ERCC6L2: variants seen among roughly 807,000 people sequenced by gnomAD.
The protein encoded by ERCC6L2 is DNA excision repair protein ERCC-6-like 2.
Under a neutral mutation model 132.0 loss-of-function variants are expected in ERCC6L2, and 77 were observed. The observed-to-expected ratio is 0.58, with a 90% CI of 0.49 to 0.71. ERCC6L2 has a LOEUF of 0.71. Ranked by LOEUF, ERCC6L2 falls within the 30% of genes least tolerant of loss-of-function variation. The pLI is 0.00. For synonymous variants in ERCC6L2, 583 were observed against 632.4 expected (o/e 0.92, Z 1.17); for missense variants, 1,542 against 1,837.6 (o/e 0.84, Z 2.94).
chr9:95,905,459 C>T (rs916348146), intron 3 of ERCC6L2, among the ~76,000 whole-genome samples: 2 of 152,160 alleles, frequency 1.3e-5, no homozygotes, highest in African/African-American at 4.8e-5. Context: ...TGATGAATGG[C>T]CTCTCAAGTG....
At chr9:95,908,189 T>C (rs1829172639) in intron 4 of ERCC6L2, among the ~76,000 whole-genome samples, 1 of 152,132 alleles carries the variant, frequency 6.6e-6, no homozygotes, top group Non-Finnish European at 1.5e-5. Context: ...ACAATTTAAA[T>C]GTTCAGGTCT....
Position 95,875,730 on chromosome 9 carries a change from T to C in ERCC6L2, c.-309T>C, listed in dbSNP as rs1023839479. On this transcript the variant is annotated 5_prime_UTR_variant, in exon 1 of 19. Transcript: ENST00000653738. ...TTTGGGGGTCGCCTTGCCGGCCTCC[T>C]GTCCTCCTCCGGCGGCGGCGGAGCC... 8.7e-6 allele frequency: 4 copies of C among 457,752 alleles called. No homozygotes were observed. The Admixed American group carries it at 1.5e-4, about 17-fold the overall frequency. 28.4% of individuals were successfully genotyped at this position (457,752 alleles called of 1,614,324 possible). A position where few individuals can be genotyped will look rare whatever the true frequency, so the allele number is the denominator to read the frequency against.
chr9:95,949,399 G>A (rs548950601), intron 12 of ERCC6L2, among the ~76,000 whole-genome samples: 4 of 152,126 alleles, frequency 2.6e-5, no homozygotes, highest in Non-Finnish European at 5.9e-5. Context: ...CCACACTGTG[G>A]CACATTATAA....
At chr9:95,923,449 A>T in intron 9 of ERCC6L2, 70 bp downstream of exon 9, 1 of 1,552,206 alleles carries the variant, frequency 6.4e-7, no homozygotes, top group Non-Finnish European at 8.8e-7. Flanking sequence ...TATGACAGAG[A>T]CACCAACTAA....
intron 11 of ERCC6L2, chr9:95,929,094 T>TA (rs1335113714): frequency 2.2e-5 from 7 of 311,428 alleles, no homozygotes; most frequent in Non-Finnish European, 4.1e-5. Context: ...AAGGTAACAA[T>TA]AAAAAAATTG....
At chr9:95,934,698 G>A (rs1189957023) in intron 11 of ERCC6L2, among the ~76,000 whole-genome samples, 1 of 152,096 alleles carries the variant, frequency 6.6e-6, no homozygotes, top group Non-Finnish European at 1.5e-5. Flanking sequence ...GAAATACAAT[G>A]CTTTATTCAT....
At chr9:95,889,478 T>C (rs538068213) in intron 2 of ERCC6L2, among the ~76,000 whole-genome samples, 1 of 152,256 alleles carries the variant, frequency 6.6e-6, no homozygotes, top group African/African-American at 2.4e-5. Flanking sequence ...TGTGTGTGTG[T>C]GTGTGCATGT....
intron 2 of ERCC6L2, among the ~76,000 whole-genome samples, chr9:95,886,370 A>G (rs1827868892): frequency 1.3e-5 from 2 of 151,770 alleles, no homozygotes; most frequent in Admixed American, 1.3e-4. Flanking sequence ...AAAAAAAAAT[A>G]CATTTAGAAA....
At chr9:96,027,029 C>A (rs1834384520) in intron 19 of ERCC6L2, among the ~76,000 whole-genome samples, 1 of 149,392 alleles carries the variant, frequency 6.7e-6, no homozygotes, top group Non-Finnish European at 1.5e-5. Context: ...ACATACCCCA[C>A]ACACATACCC....
chr9:95,908,276 C>CGAGGCTGATTGG (rs1364227214), intron 4 of ERCC6L2, among the ~76,000 whole-genome samples: 1 of 151,950 alleles, frequency 6.6e-6, no homozygotes, highest in Non-Finnish European at 1.5e-5. Flanking sequence ...TGATTAAAAC[C>CGAGGCTGATTGG]GAGGCTGATT....
At chr9:95,981,791 C>T (rs756046546) in intron 17 of ERCC6L2, among the ~76,000 whole-genome samples, 7 of 152,138 alleles carry the variant, frequency 4.6e-5, no homozygotes, top group Non-Finnish European at 1.5e-5. Context: ...GTCAACTGCA[C>T]GTTTTCAACT....
At chr9:95,922,805 C>T (rs1829933207) in intron 8 of ERCC6L2, among the ~76,000 whole-genome samples, 1 of 152,090 alleles carries the variant, frequency 6.6e-6, no homozygotes. Context: ...GGGCTGTTTA[C>T]CAAACTGGCA....
chr9:95,954,843 G>T (rs1435400562), intron 12 of ERCC6L2: 6 of 471,152 alleles, frequency 1.3e-5, no homozygotes, highest in Admixed American at 1.2e-4. Context: ...TGTCACAGGA[G>T]CCTCCATTTC....
rs1170402986 is a variant in ERCC6L2, at chr9:96,001,214, CAAAGAGCG to C, written c.3493-3300_3493-3293del. ...GAGTGAGCAGTAGCAAGATTTATTG[CAAAGAGCG>C]AAAGAACAAATCTTCCACAGTGTGG... On this transcript the variant is annotated intron_variant, in intron 17 of 18. Transcript: ENST00000653738. 4.6e-5 allele frequency among the ~76,000 whole-genome samples: 7 copies of C among 152,166 alleles called. No homozygotes were observed. In the East Asian group the frequency reaches 1.2e-3, roughly 25 times the overall value.
intron 19 of ERCC6L2, among the ~76,000 whole-genome samples, chr9:96,027,481 C>T (rs969147762): frequency 1.3e-5 from 2 of 152,182 alleles, no homozygotes; most frequent in African/African-American, 4.8e-5. Context: ...GTGCCCGGCT[C>T]AGTCACCCGC....
chr9:96,012,625 TC>T lies in ERCC6L2; in HGVS notation c.4076del (p.Ser1359TyrfsTer22). 3 of 1,367,448 alleles carry T rather than the reference TC, an allele frequency of 2.2e-6. No homozygotes were observed. The highest frequency in any genetic ancestry group is 2.9e-6 in the Non-Finnish European group (3 of 1,021,806). 84.7% of individuals were successfully genotyped at this position (1,367,448 alleles called of 1,614,324 possible). A position where few individuals can be genotyped will look rare whatever the true frequency, so the allele number is the denominator to read the frequency against. Reference protein sequence around the residue: ...VFFNDAETKKSPVSSTQEIDS... With the variant: ...VFFNDAETKKXPVSSTQEIDS... ...TTTTAATGATGCAGAAACTAAGAAATCACCTGTTAGTTCTACTCAAGAGATT... is the reference window on the plus strand; with the variant it reads ...TTTTAATGATGCAGAAACTAAGAAATACCTGTTAGTTCTACTCAAGAGATT... On this transcript the variant is annotated frameshift_variant, in exon 19 of 19. Coordinates refer to ENST00000653738, the MANE Select transcript of ERCC6L2 (RefSeq NM_020207.7). LOFTEE classifies it low-confidence loss of function (END_TRUNC).
chr9:95,951,301 A>C (rs937744433), intron 12 of ERCC6L2, among the ~76,000 whole-genome samples: 2 of 152,244 alleles, frequency 1.3e-5, no homozygotes, highest in African/African-American at 4.8e-5. Context: ...TACAGGATGC[A>C]GCAAAAGTAA....
In ERCC6L2 at chr9:96,027,214, C is replaced by A. The variant is rs867051297; in HGVS notation, c.*1504-11662C>A. ...CACATCACACCACAGCCACACCACA[C>A]CCCCGCCTCCAACACCCACCTCTTG... is the stretch of plus-strand genomic sequence containing the variant. On this transcript the variant is annotated intron_variant and NMD_transcript_variant, in intron 19 of 20. Transcript: ENST00000670016. 5.3e-5 allele frequency among the ~76,000 whole-genome samples: 8 copies of A among 152,180 alleles called. No homozygotes were observed. The South Asian group carries it at 8.3e-4, about 16-fold the overall frequency.
chr9:95,947,494 T>A (rs1285042831), intron 12 of ERCC6L2, among the ~76,000 whole-genome samples: 1 of 152,212 alleles, frequency 6.6e-6, no homozygotes, highest in African/African-American at 2.4e-5. Flanking sequence ...AGTGTTGATG[T>A]AGAAAAGCTG....
Sources: allele counts gnomAD v4.1 joint callset (sites outside exome capture counted in the v4.1 genomes callset), GRCh38; gene constraint gnomAD v4.1.1; transcripts MANE v1.5; gene names NCBI Gene and HGNC (gene_info 2026-07-23, HGNC 2026-07-21).